CNTN4: variants seen among roughly 807,000 people sequenced by gnomAD.
CNTN4 encodes the protein contactin-4.
In CNTN4, 77 loss-of-function variants were observed where a neutral mutation model predicts 122.5. The ratio of observed to expected loss-of-function variants is 0.63; its 90% CI spans 0.52 to 0.76. The LOEUF (loss-of-function observed/expected upper bound fraction) is 0.76, where lower values mean the gene tolerates loss of function less well. Among genes scored for constraint, CNTN4 ranks in the 30% least tolerant of loss-of-function variants. The pLI is 0.00. For missense variants in CNTN4, 1,256 were observed against 1,259.1 expected, an observed-to-expected ratio of 1.00 and a Z score of 0.04; for synonymous variants, 512 against 447.0, an observed-to-expected ratio of 1.15 and a Z score of -1.83.
At chr3:2,985,749 G>A (rs1045498493) in intron 13 of CNTN4, among the ~76,000 whole-genome samples, 1 of 152,098 alleles carries the variant, frequency 6.6e-6, no homozygotes, top group African/African-American at 2.4e-5. Context: ...CTTGATTCGG[G>A]ATGACTCAGT....
chr3:2,755,037 T>TAC (rs1466857333), intron 6 of CNTN4, among the ~76,000 whole-genome samples: 1 of 152,178 alleles, frequency 6.6e-6, no homozygotes, highest in Non-Finnish European at 1.5e-5. Context: ...AAAACTTTAT[T>TAC]AAACTGAGAA....
chr3:2,165,032 A>C (rs1026993634), intron 2 of CNTN4, among the ~76,000 whole-genome samples: 6 of 152,044 alleles, frequency 3.9e-5, no homozygotes, highest in African/African-American at 1.4e-4. Flanking sequence ...CATTAATATC[A>C]CCTAAGGTGG....
At position 2,432,424 on chromosome 3, in the gene CNTN4, G is replaced by T. The variant is rs979363504; in HGVS notation, c.-89+93191G>T. 2.0e-5 allele frequency among the ~76,000 whole-genome samples: 3 copies of T among 152,126 alleles called. 1 individual carries two copies. The highest frequency in any genetic ancestry group is 4.4e-5 in the Non-Finnish European group (3 of 68,038). ...TAATGTTATGAATTAAATGATTGAG[G>T]TGCCAAGATAGAGAATAAAGAAGAG... On this transcript the variant is annotated intron_variant, in intron 3 of 24. Coordinates refer to ENST00000418658, the MANE Select transcript of CNTN4 (RefSeq NM_175607.3).
intron 13 of CNTN4, among the ~76,000 whole-genome samples, chr3:2,962,280 G>A (rs75806419): frequency 1.3e-5 from 2 of 152,158 alleles, no homozygotes; most frequent in Non-Finnish European, 1.5e-5. Flanking sequence ...TAAGCCAGAC[G>A]CCTGGTGCAG....
chr3:2,521,080 T>C (rs185793028), intron 3 of CNTN4, among the ~76,000 whole-genome samples: 216 of 152,110 alleles, frequency 1.4e-3, no homozygotes, highest in East Asian at 0.01. Context: ...TTTCACTACT[T>C]CTTCTTGCTC....
intron 4 of CNTN4, among the ~76,000 whole-genome samples, chr3:2,710,435 T>A (rs1303424241): frequency 6.6e-6 from 1 of 152,214 alleles, no homozygotes; most frequent in Non-Finnish European, 1.5e-5. Flanking sequence ...GAATTTCTTG[T>A]TTCCATAACT....
At chr3:2,154,562 G>T (rs1057050942) in intron 2 of CNTN4, among the ~76,000 whole-genome samples, 7 of 152,168 alleles carry the variant, frequency 4.6e-5, no homozygotes, top group Admixed American at 1.3e-4. Context: ...AGTGGAATAA[G>T]TTCTATGATC....
chr3:2,549,184 C>G (rs1231115269), intron 3 of CNTN4, among the ~76,000 whole-genome samples: 1 of 152,144 alleles, frequency 6.6e-6, no homozygotes, highest in Non-Finnish European at 1.5e-5. Context: ...TATTTGAATA[C>G]TCTTTATTTC....
chr3:2,378,728 C>G (rs1291074226), intron 3 of CNTN4, among the ~76,000 whole-genome samples: 2 of 150,014 alleles, frequency 1.3e-5, no homozygotes, highest in Non-Finnish European at 3.0e-5. Context: ...ACATTTCAAG[C>G]TTAGCTCCTT....
At chr3:2,996,435 T>C (rs1027008830) in intron 14 of CNTN4, among the ~76,000 whole-genome samples, 3 of 152,186 alleles carry the variant, frequency 2.0e-5, no homozygotes, top group Non-Finnish European at 4.4e-5. Flanking sequence ...TTTTACCTGG[T>C]GATATTTAAC....
chr3:2,745,755 C>T (rs1480823578), intron 6 of CNTN4, 58 bp downstream of exon 6: 1 of 1,480,192 alleles, frequency 6.8e-7, no homozygotes, highest in Non-Finnish European at 9.4e-7. Flanking sequence ...ACCATTATAC[C>T]AATAAGCTTT....
chr3:2,250,521 G>A lies in CNTN4; in HGVS notation c.-144-88657G>A, dbSNP rs1464310527. On this transcript the variant is annotated intron_variant, in intron 2 of 24. Transcript: ENST00000418658. The stretch of plus-strand genomic sequence containing the variant: ...CTGTAGTTGATAATATATAGCTAGA[G>A]GGAGGATATTGAATATTCCCAACAC... Among the ~76,000 whole-genome samples the A allele has an allele frequency of 7.2e-5, 11 of 151,984 alleles. No individual in the cohort carries two copies. In the South Asian group the frequency reaches 1.9e-3, roughly 26 times the overall value.
chr3:2,790,864 T>C (rs1202950834), intron 6 of CNTN4, among the ~76,000 whole-genome samples: 3 of 152,220 alleles, frequency 2.0e-5, no homozygotes, highest in Non-Finnish European at 2.9e-5. Context: ...AAGTATTTGA[T>C]GATAATCAGC....
chr3:2,490,114 T>G (rs2076273738), intron 3 of CNTN4, among the ~76,000 whole-genome samples: 2 of 149,402 alleles, frequency 1.3e-5, no homozygotes, highest in South Asian at 4.2e-4. Flanking sequence ...AACAGCCATA[T>G]AGACAAGAGA....
At chr3:2,446,365 A>T (rs2048625872) in intron 3 of CNTN4, among the ~76,000 whole-genome samples, 1 of 152,206 alleles carries the variant, frequency 6.6e-6, no homozygotes. Context: ...GCAAAGATAA[A>T]CAAATGTGAT....
chr3:2,248,199 T>A (rs1351843573), intron 2 of CNTN4, among the ~76,000 whole-genome samples: 2 of 152,054 alleles, frequency 1.3e-5, no homozygotes, highest in East Asian at 1.9e-4. Flanking sequence ...AATCTTTATT[T>A]TATACATAGA....
In CNTN4 at chr3:2,426,588, A is replaced by T. The variant is rs191166810; in HGVS notation, c.-89+87355A>T. Among the ~76,000 whole-genome samples, 293 of 152,324 alleles carry T rather than the reference A, an allele frequency of 1.9e-3. 1 individual carries two copies. The highest frequency in any genetic ancestry group is 6.8e-3 in the African/African-American group (283 of 41,566). ...ATCAGGATGATGCTGGCCTCATAAAATGAGTTAGGGAGGATTCCTTCTTTT... is the reference window on the plus strand; with the variant it reads ...ATCAGGATGATGCTGGCCTCATAAATTGAGTTAGGGAGGATTCCTTCTTTT... On this transcript the variant is annotated intron_variant, in intron 3 of 24. Transcript: ENST00000418658.
At chr3:2,651,225 T>A (rs2083343966) in intron 4 of CNTN4, among the ~76,000 whole-genome samples, 1 of 152,180 alleles carries the variant, frequency 6.6e-6, no homozygotes, top group African/African-American at 2.4e-5. Context: ...GATCTCATCT[T>A]TTTGAGCCTC....
At chr3:2,129,278 A>G (rs865889677) in intron 2 of CNTN4, among the ~76,000 whole-genome samples, 1 of 151,576 alleles carries the variant, frequency 6.6e-6, no homozygotes, top group African/African-American at 2.4e-5. Context: ...AAAAAAAAAA[A>G]AAAAAAGCGC....
Sources: gnomAD v4.1 joint callset for allele counts (sites outside exome capture counted in the v4.1 genomes callset) on GRCh38, gnomAD v4.1.1 for gene constraint, MANE v1.5 for transcripts, NCBI Gene and HGNC (gene_info 2026-07-23, HGNC 2026-07-21) for gene names.